SLC2A13: variants seen among roughly 807,000 people sequenced by gnomAD.
The protein encoded by SLC2A13 is proton myo-inositol cotransporter.
Under a neutral mutation model 64.4 loss-of-function variants are expected in SLC2A13, and 32 were observed. That is an observed-to-expected ratio of 0.50 (90% CI 0.37 to 0.67). SLC2A13 has a LOEUF of 0.67. Among genes scored for constraint, SLC2A13 ranks in the 30% least tolerant of loss-of-function variants. SLC2A13 has a pLI of 0.00. For missense variants in SLC2A13, 743 were observed against 829.2 expected (o/e 0.90, Z 1.28); for synonymous variants, 338 against 327.1 (o/e 1.03, Z -0.36).
intron 4 of SLC2A13, among the ~76,000 whole-genome samples, chr12:39,892,097 C>A (rs1041153084): frequency 2.0e-5 from 3 of 152,188 alleles, no homozygotes; most frequent in Admixed American, 6.5e-5. Flanking sequence ...AAAAAGCATT[C>A]ATTCTACTGC....
chr12:40,011,676 T>C (rs728129), intron 3 of SLC2A13, among the ~76,000 whole-genome samples: 4,601 of 152,258 alleles, frequency 0.03, 155 homozygotes, highest in East Asian at 0.1. Flanking sequence ...CTAGTAGTCC[T>C]CGGCGTCTAC....
At chr12:39,767,552 A>C (rs1327286843) in intron 7 of SLC2A13, among the ~76,000 whole-genome samples, 1 of 152,002 alleles carries the variant, frequency 6.6e-6, no homozygotes, top group Non-Finnish European at 1.5e-5. Flanking sequence ...CTAGACATTG[A>C]CTTCTCCTCT....
At chr12:39,819,778 A>G (rs1379719368) in intron 7 of SLC2A13, 1 of 152,544 alleles carries the variant, frequency 6.6e-6, no homozygotes, top group Non-Finnish European at 1.5e-5. Context: ...AATACATTTA[A>G]AAGGATAAAT....
At chr12:40,030,740 GGAAGA>G (rs1292733812) in intron 2 of SLC2A13, among the ~76,000 whole-genome samples, 15 of 151,748 alleles carry the variant, frequency 9.9e-5, no homozygotes, top group African/African-American at 2.9e-4. Flanking sequence ...AAAAGACAAG[GGAAGA>G]GAAGAGAAGA....
intron 6 of SLC2A13, among the ~76,000 whole-genome samples, chr12:39,841,702 TATA>T (rs1233039118): frequency 6.6e-5 from 10 of 152,124 alleles, no homozygotes; most frequent in South Asian, 2.1e-4. Flanking sequence ...CACATACAAA[TATA>T]ATCTAATTAG....
At chr12:39,984,072 C>T (rs1391849422) in intron 3 of SLC2A13, among the ~76,000 whole-genome samples, 11 of 151,838 alleles carry the variant, frequency 7.2e-5, no homozygotes, top group East Asian at 3.9e-4. Context: ...AGTAAACTAT[C>T]GCAAGAAGAA....
Position 40,070,728 on chromosome 12 carries a change from T to C in SLC2A13, c.557-22518A>G, listed in dbSNP as rs17483502. ...CAATCTTCTCAATCTCTATTCAAAATGCTTTTTCTTCTGTTGTGACCATCC... is the reference window on the plus strand; with the variant it reads ...CAATCTTCTCAATCTCTATTCAAAACGCTTTTTCTTCTGTTGTGACCATCC... On this transcript the variant is annotated intron_variant, in intron 1 of 9. Transcript: ENST00000280871. 9.8e-5 allele frequency among the ~76,000 whole-genome samples: 15 copies of C among 152,310 alleles called. No individual in the cohort carries two copies. The East Asian group carries it at 2.5e-3, about 25-fold the overall frequency.
intron 3 of SLC2A13, among the ~76,000 whole-genome samples, chr12:39,994,382 CA>C (rs367976830): frequency 0.016 from 1,337 of 82,256 alleles, 7 homozygotes; most frequent in African/African-American, 0.061. Flanking sequence ...GACTCCATCT[CA>C]AAAAAAAAAA....
chr12:39,817,083 C>T (rs1355554483), intron 7 of SLC2A13, among the ~76,000 whole-genome samples: 1 of 151,944 alleles, frequency 6.6e-6, no homozygotes, highest in Non-Finnish European at 1.5e-5. Flanking sequence ...CTTCTCTTTT[C>T]ATAACAGCAA....
intron 6 of SLC2A13, among the ~76,000 whole-genome samples, chr12:39,839,165 G>C (rs1175116099): frequency 6.6e-6 from 1 of 151,984 alleles, no homozygotes; most frequent in Admixed American, 6.6e-5. Context: ...AGGTGACTTG[G>C]AATCTGGTTT....
chr12:39,834,690 A>C (rs1942960030), intron 6 of SLC2A13, among the ~76,000 whole-genome samples: 1 of 152,030 alleles, frequency 6.6e-6, no homozygotes, highest in Non-Finnish European at 1.5e-5. Flanking sequence ...TATTTGTGCT[A>C]ATCTGGACTA....
intron 2 of SLC2A13, among the ~76,000 whole-genome samples, chr12:40,028,875 G>A (rs1334721992): frequency 6.6e-6 from 1 of 151,918 alleles, no homozygotes; most frequent in African/African-American, 2.4e-5. Flanking sequence ...ATATAAAATG[G>A]GGCTACGATA....
intron 4 of SLC2A13, among the ~76,000 whole-genome samples, chr12:39,885,716 C>A (rs1434657113): frequency 1.3e-5 from 2 of 152,082 alleles, no homozygotes; most frequent in Non-Finnish European, 2.9e-5. Flanking sequence ...ACATGTCTTC[C>A]CTTTTGTACT....
chr12:39,906,440 A>G (rs1308047825), intron 4 of SLC2A13, among the ~76,000 whole-genome samples: 1 of 152,156 alleles, frequency 6.6e-6, no homozygotes. Context: ...GTCACTAGAT[A>G]ACTTTCCCCA....
At chr12:39,789,539 G>A (rs1015212728) in intron 7 of SLC2A13, among the ~76,000 whole-genome samples, 1 of 152,062 alleles carries the variant, frequency 6.6e-6, no homozygotes, top group African/African-American at 2.4e-5. Context: ...GTGTGCAAGG[G>A]TTTCTCTAAT....
At chr12:40,017,352 T>C (rs1947637035) in intron 3 of SLC2A13, among the ~76,000 whole-genome samples, 1 of 152,186 alleles carries the variant, frequency 6.6e-6, no homozygotes, top group East Asian at 1.9e-4. Context: ...CTCTGCCCTC[T>C]CATATTCCAA....
chr12:39,839,498 G>A (rs1001048944), intron 6 of SLC2A13, among the ~76,000 whole-genome samples: 7 of 152,054 alleles, frequency 4.6e-5, no homozygotes, highest in Non-Finnish European at 1.0e-4. Context: ...ATTGCTGGTG[G>A]TTGTCTCATG....
intron 7 of SLC2A13, among the ~76,000 whole-genome samples, chr12:39,766,187 T>A (rs1293277313): frequency 6.6e-6 from 1 of 152,096 alleles, no homozygotes; most frequent in Non-Finnish European, 1.5e-5. Context: ...TGGATTATCC[T>A]TTCAGTATTC....
At chr12:40,083,672 G>T (rs17489542) in intron 1 of SLC2A13, among the ~76,000 whole-genome samples, 1 of 152,302 alleles carries the variant, frequency 6.6e-6, no homozygotes, top group African/African-American at 2.4e-5. Context: ...TGAATCTTCT[G>T]ACTAGAAGGA....
Sources: allele counts gnomAD v4.1 joint callset (sites outside exome capture counted in the v4.1 genomes callset), GRCh38; gene constraint gnomAD v4.1.1; transcripts MANE v1.5; gene names NCBI Gene and HGNC (gene_info 2026-07-23, HGNC 2026-07-21).